The following AGTPBP1 variants were observed in gnomAD, a reference collection of about 807,000 sequenced individuals.
The protein encoded by AGTPBP1 is ATP/GTP binding carboxypeptidase 1.
A neutral mutation model predicts 143.9 loss-of-function variants in AGTPBP1; 70 were observed. The ratio of observed to expected loss-of-function variants is 0.49; its 90% confidence interval spans 0.40 to 0.59. The LOEUF (loss-of-function observed/expected upper bound fraction) is 0.59. Among genes scored for constraint, AGTPBP1 ranks in the 20% least tolerant of loss-of-function variants. AGTPBP1 has a pLI of 0.00. For synonymous variants in AGTPBP1, 463 were observed against 500.2 expected (o/e 0.93, Z 0.99); for missense variants, 1,229 against 1,464.5 (o/e 0.84, Z 2.62).
Position 85,722,631 on chromosome 9 carries a change from C to T in AGTPBP1, c.-33-10065G>A, listed in dbSNP as rs144030190. ...TGGGTTAGAACATGCTCCTTTAGCT[C>T]AGAGAAGTTTGTTATTACCAACCTT... On this transcript the variant is annotated intron_variant, in intron 1 of 25. Transcript: ENST00000357081. Among the ~76,000 whole-genome samples the T allele has an allele frequency of 5.9e-3, 898 of 152,292 alleles. 2 individuals are homozygous for T. The highest frequency in any genetic ancestry group is 0.014 in the South Asian group (69 of 4,824).
chr9:85,717,595 C>T (rs114403008), intron 1 of AGTPBP1, among the ~76,000 whole-genome samples: 1 of 152,010 alleles, frequency 6.6e-6, no homozygotes, highest in African/African-American at 2.4e-5. Flanking sequence ...AGCTAACCCC[C>T]AAGTGACAAT....
chr9:85,735,575 ATTTT>A (rs535995442), intron 1 of AGTPBP1, among the ~76,000 whole-genome samples: 1 of 152,164 alleles, frequency 6.6e-6, no homozygotes, highest in African/African-American at 2.4e-5. Context: ...TAAAATAAAT[ATTTT>A]TTTAAAGATC....
chr9:85,584,629 T>C (rs1187613209), intron 23 of AGTPBP1, among the ~76,000 whole-genome samples: 1 of 152,138 alleles, frequency 6.6e-6, no homozygotes, highest in Non-Finnish European at 1.5e-5. Flanking sequence ...CATTCTTACA[T>C]GTAATCCTTT....
chr9:85,693,435 A>G (rs1836011787), intron 2 of AGTPBP1, among the ~76,000 whole-genome samples: 1 of 152,166 alleles, frequency 6.6e-6, no homozygotes. Context: ...CATCTTTACT[A>G]AAAATACAAA....
In AGTPBP1 at chr9:85,589,607, G is replaced by A. The variant is rs746309220; in HGVS notation, c.2643C>T (p.Thr881=). 1.2e-6 allele frequency: 2 copies of A among 1,613,528 alleles called. No homozygotes were observed. The highest frequency in any genetic ancestry group is 2.2e-5 in the East Asian group (1 of 44,858). ...CCAAGGGGCAGCTGTTTCCAGACAGGGTTTCACATAACACATCTTTCCGAA... is the reference window on the plus strand; with the variant it reads ...CCAAGGGGCAGCTGTTTCCAGACAGAGTTTCACATAACACATCTTTCCGAA... ...IYFRKDVLCE[T]LSGNSCPLVT... The change falls in exon 20 of 26, where the codon ACC becomes ACT. Residue 881 remains threonine, a synonymous_variant. Transcript: ENST00000357081.
chr9:85,691,640 T>C (rs544214237), intron 3 of AGTPBP1, among the ~76,000 whole-genome samples: 3 of 152,036 alleles, frequency 2.0e-5, no homozygotes, highest in Non-Finnish European at 4.4e-5. Flanking sequence ...ATGGATTTTA[T>C]TTGACCTGTT....
intron 1 of AGTPBP1, among the ~76,000 whole-genome samples, chr9:85,736,637 G>A (rs958373519): frequency 6.6e-6 from 1 of 152,122 alleles, no homozygotes; most frequent in Non-Finnish European, 1.5e-5. Context: ...TTGTGAGAAA[G>A]CCTCTTTAAG....
chr9:85,608,560 T>C (rs1830124511), intron 17 of AGTPBP1, among the ~76,000 whole-genome samples: 1 of 151,928 alleles, frequency 6.6e-6, no homozygotes, highest in Non-Finnish European at 1.5e-5. Context: ...CAACAGCACA[T>C]GATACATTCA....
chr9:85,713,461 G>A (rs1290224262), intron 1 of AGTPBP1, among the ~76,000 whole-genome samples: 1 of 152,198 alleles, frequency 6.6e-6, no homozygotes, highest in Admixed American at 6.5e-5. Context: ...AACCCGGGAG[G>A]TGGAGGTTGC....
At chr9:85,747,753 A>C in the AGTPBP1 span, among the ~76,000 whole-genome samples, 1 of 152,184 alleles carries the variant, frequency 6.6e-6, no homozygotes, top group East Asian at 1.9e-4. Context: ...ATAGAAGTTA[A>C]GAGGGCAAAA....
chr9:85,589,452 C>T, intron 20 of AGTPBP1, 76 bp downstream of exon 20: 1 of 1,495,440 alleles, frequency 6.7e-7, no homozygotes. Flanking sequence ...ATTATCATTT[C>T]CATTATAAAA....
the AGTPBP1 span, chr9:85,793,288 G>A: frequency 6.6e-6 from 1 of 152,092 alleles, no homozygotes; most frequent in East Asian, 1.9e-4. Flanking sequence ...TTTCCCCAAA[G>A]ACACTATAAT....
chr9:85,587,942 A>G (rs980539335), intron 21 of AGTPBP1, among the ~76,000 whole-genome samples: 3 of 152,048 alleles, frequency 2.0e-5, no homozygotes, highest in Non-Finnish European at 4.4e-5. Flanking sequence ...ATCTAGGTTC[A>G]TGCCACTAAT....
intron 17 of AGTPBP1, among the ~76,000 whole-genome samples, chr9:85,615,949 T>G (rs1830579161): frequency 6.6e-6 from 1 of 151,988 alleles, no homozygotes; most frequent in Non-Finnish European, 1.5e-5. Flanking sequence ...GGATGTCTCT[T>G]AAAACTATGT....
the AGTPBP1 span, chr9:85,773,841 G>T: frequency 2.2e-5 from 35 of 1,587,182 alleles, no homozygotes; most frequent in Non-Finnish European, 2.9e-5. Flanking sequence ...TTGTTAGGTG[G>T]TGAATTTGCG....
chr9:85,594,579 G>A (rs1829176991), intron 18 of AGTPBP1, among the ~76,000 whole-genome samples: 1 of 131,264 alleles, frequency 7.6e-6, no homozygotes, highest in Non-Finnish European at 1.6e-5. Context: ...AACAGGGCAA[G>A]ACTGTGTTTA....
chr9:85,711,744 C>T (rs760697960), intron 2 of AGTPBP1, among the ~76,000 whole-genome samples: 13 of 152,000 alleles, frequency 8.6e-5, no homozygotes, highest in Non-Finnish European at 1.8e-4. Context: ...CCAGCCTAAA[C>T]TTTTTCTGTA....
At chr9:85,689,925 A>AAAAAAAAATATAT (rs58719163) in intron 3 of AGTPBP1, among the ~76,000 whole-genome samples, 1 of 72,514 alleles carries the variant, frequency 1.4e-5, no homozygotes, top group Non-Finnish European at 2.4e-5. Flanking sequence ...AAAAAAAAAA[A>AAAAAAAAATATAT]ATATATATAT....
chr9:85,778,723 T>G, the AGTPBP1 span, among the ~76,000 whole-genome samples: 1 of 152,128 alleles, frequency 6.6e-6, no homozygotes, highest in Non-Finnish European at 1.5e-5. Flanking sequence ...TCCTTCACCT[T>G]AGAAGGAATA....
Sources: allele counts gnomAD v4.1 joint callset (sites outside exome capture counted in the v4.1 genomes callset), GRCh38; gene constraint gnomAD v4.1.1; transcripts MANE v1.5; gene names NCBI Gene and HGNC (gene_info 2026-07-23, HGNC 2026-07-21).